ARHGEF3: variants seen among roughly 807,000 people sequenced by gnomAD.
The protein encoded by ARHGEF3 is 59.8 kDA protein.
A neutral mutation model predicts 63.2 loss-of-function variants in ARHGEF3; 28 were observed. That is an observed-to-expected ratio of 0.44 (90% CI 0.33 to 0.61). ARHGEF3 has a LOEUF of 0.61. ARHGEF3 is among the 20% of genes least tolerant of loss of function. The pLI is 0.03. For synonymous variants in ARHGEF3, 266 were observed against 254.2 expected, an observed-to-expected ratio of 1.05 and a Z score of -0.44; for missense variants, 533 against 659.3, an observed-to-expected ratio of 0.81 and a Z score of 2.10.
intron 1 of ARHGEF3, among the ~76,000 whole-genome samples, chr3:57,042,829 T>C (rs1187538343): frequency 6.7e-6 from 1 of 149,678 alleles, no homozygotes; most frequent in Non-Finnish European, 1.5e-5. Flanking sequence ...CCCAAGTACC[T>C]GGGACTACAG....
At chr3:56,876,049 G>A (rs781330815) in intron 4 of ARHGEF3, among the ~76,000 whole-genome samples, 18 of 152,272 alleles carry the variant, frequency 1.2e-4, no homozygotes, top group Admixed American at 5.9e-4. Flanking sequence ...AAGGGGGCAT[G>A]AGCCAGGTGA....
intron 3 of ARHGEF3, among the ~76,000 whole-genome samples, chr3:56,924,888 A>G (rs2042238280): frequency 6.6e-6 from 1 of 152,176 alleles, no homozygotes; most frequent in South Asian, 2.1e-4. Flanking sequence ...CCCAGCTCCT[A>G]TTCAAGATGG....
chr3:56,906,049 G>A (rs1234569037), intron 3 of ARHGEF3, among the ~76,000 whole-genome samples: 1 of 152,004 alleles, frequency 6.6e-6, no homozygotes, highest in African/African-American at 2.4e-5. Flanking sequence ...ATTTTTAGTA[G>A]AGATCGGGTT....
intron 3 of ARHGEF3, among the ~76,000 whole-genome samples, chr3:56,935,323 G>A (rs986024758): frequency 2.0e-5 from 3 of 152,116 alleles, no homozygotes; most frequent in Non-Finnish European, 1.5e-5. Context: ...ACCAATCAGC[G>A]CCCTGTCAAA....
At chr3:56,835,084 T>C (rs976099272) in intron 4 of ARHGEF3, among the ~76,000 whole-genome samples, 16 of 152,334 alleles carry the variant, frequency 1.1e-4, no homozygotes, top group African/African-American at 3.8e-4. Context: ...TTGTGATGAA[T>C]TATTACCTAA....
chr3:56,846,015 G>A (rs769455633), intron 4 of ARHGEF3, among the ~76,000 whole-genome samples: 12 of 152,136 alleles, frequency 7.9e-5, no homozygotes, highest in East Asian at 3.8e-4. Context: ...TCGCTCTCTC[G>A]CTGCTTTAAG....
At chr3:56,843,429 T>C (rs1227608864) in intron 4 of ARHGEF3, among the ~76,000 whole-genome samples, 2 of 22,086 alleles carry the variant, frequency 9.1e-5, no homozygotes, top group East Asian at 2.1e-3. Context: ...TGGATGACTT[T>C]TGTAATTTTT....
intron 1 of ARHGEF3, among the ~76,000 whole-genome samples, chr3:57,067,988 T>C (rs1266094160): frequency 6.7e-6 from 1 of 149,760 alleles, no homozygotes; most frequent in Non-Finnish European, 1.5e-5. Context: ...AGACTCCGTC[T>C]CAAAAAAAAC....
intron 3 of ARHGEF3, among the ~76,000 whole-genome samples, chr3:56,942,333 A>C (rs1699229089): frequency 6.6e-6 from 1 of 152,188 alleles, no homozygotes; most frequent in African/African-American, 2.4e-5. Flanking sequence ...GTTCACTCAA[A>C]ATTCAATAGT....
At chr3:56,934,892 C>G (rs572108275) in intron 3 of ARHGEF3, among the ~76,000 whole-genome samples, 179 of 152,374 alleles carry the variant, frequency 1.2e-3, no homozygotes, top group African/African-American at 3.8e-3. Flanking sequence ...CCTGCAGCCC[C>G]GCTGCGGGAT....
At chr3:56,735,120 C>T (rs2033513521) in intron 8 of ARHGEF3, among the ~76,000 whole-genome samples, 1 of 152,120 alleles carries the variant, frequency 6.6e-6, no homozygotes. Flanking sequence ...CCCATCTCTA[C>T]TAAAAATGCA....
At chr3:56,747,923 T>C (rs2034491857) in intron 6 of ARHGEF3, among the ~76,000 whole-genome samples, 1 of 152,176 alleles carries the variant, frequency 6.6e-6, no homozygotes, top group East Asian at 1.9e-4. Context: ...ACCTACAAAA[T>C]GTATATACTA....
intron 3 of ARHGEF3, among the ~76,000 whole-genome samples, chr3:56,919,585 C>CT (rs2042073024): frequency 6.6e-6 from 1 of 152,212 alleles, no homozygotes. Flanking sequence ...TGAAATGTCA[C>CT]TTCTCATTGT....
chr3:56,950,570 G>T (rs1038751275), intron 3 of ARHGEF3, among the ~76,000 whole-genome samples: 2 of 151,946 alleles, frequency 1.3e-5, no homozygotes, highest in African/African-American at 4.8e-5. Context: ...CAAATCAAAA[G>T]CACAATGAGA....
rs554438942 is a variant in ARHGEF3 at position 56,945,794 on chromosome 3, A to T, written c.129+13029T>A. Reference sequence around the variant, plus strand: ...TGAAGAGAGTAGTGGTTCTCCCAGCATGCAGCTGGAGATCTGAGAATGGAC... The same window carrying T: ...TGAAGAGAGTAGTGGTTCTCCCAGCTTGCAGCTGGAGATCTGAGAATGGAC... On this transcript the variant is annotated intron_variant, in intron 3 of 12. Coordinates refer to the ARHGEF3 transcript ENST00000338458. 5.3e-5 allele frequency among the ~76,000 whole-genome samples: 8 copies of T among 152,326 alleles called. No individual in the cohort carries two copies. The South Asian group carries it at 8.3e-4, about 16-fold the overall frequency.
chr3:56,812,632 C>T (rs962049980), intron 4 of ARHGEF3, among the ~76,000 whole-genome samples: 1 of 152,182 alleles, frequency 6.6e-6, no homozygotes, highest in African/African-American at 2.4e-5. Flanking sequence ...CCATTTGTAT[C>T]AAAACTCTGT....
At chr3:56,883,049 AG>A (rs1470827114) in intron 3 of ARHGEF3, among the ~76,000 whole-genome samples, 1 of 152,224 alleles carries the variant, frequency 6.6e-6, no homozygotes, top group East Asian at 1.9e-4. Context: ...ATTCACTTGA[AG>A]ATATTCCATT....
intron 4 of ARHGEF3, 134 bp downstream of exon 4, chr3:56,753,370 C>T: frequency 2.8e-6 from 2 of 725,006 alleles, no homozygotes; most frequent in Non-Finnish European, 2.3e-6. Context: ...AACACTTTCC[C>T]CACTGCTTGG....
chr3:57,033,720 C>T (rs1327748948), intron 2 of ARHGEF3, among the ~76,000 whole-genome samples: 2 of 151,980 alleles, frequency 1.3e-5, no homozygotes, highest in African/African-American at 4.8e-5. Context: ...GTATTTTTAA[C>T]AAGGAAAATC....
Sources: allele counts gnomAD v4.1 joint callset (sites outside exome capture counted in the v4.1 genomes callset), GRCh38; gene constraint gnomAD v4.1.1; transcripts MANE v1.5; gene names NCBI Gene and HGNC (gene_info 2026-07-23, HGNC 2026-07-21).